Variants in PPARA observed in about 807,000 individuals in gnomAD.
The protein encoded by PPARA is peroxisome proliferator-activated receptor alpha.
A neutral mutation model predicts 42.2 loss-of-function variants in PPARA; 22 were observed. That is an observed-to-expected ratio of 0.52 (90% CI 0.37 to 0.74). The LOEUF (loss-of-function observed/expected upper bound fraction) is 0.74. Ranked by LOEUF, PPARA falls within the 30% of genes least tolerant of loss-of-function variation. PPARA has a pLI of 0.00. For synonymous variants in PPARA, 242 were observed against 239.3 expected, an observed-to-expected ratio of 1.01 and a Z score of -0.10; for missense variants, 465 against 608.2, an observed-to-expected ratio of 0.76 and a Z score of 2.48.
In PPARA at chr22:46,196,689, G is replaced by T. The variant is rs894329874; in HGVS notation, c.-42-1653G>T. On this transcript the variant is annotated intron_variant, in intron 3 of 8. Transcript: ENST00000407236. This position sits in a 1 kb window ranked among gnomAD's most constrained non-coding sequence, Gnocchi z 5.6. ...CATCTGTGTCCCAGTTACAAGGGAG[G>T]CTCCCTGAGAGCAGGGATCTGATTT... is the stretch of plus-strand genomic sequence containing the variant. Among the ~76,000 whole-genome samples the T allele has an allele frequency of 6.6e-6, 1 of 152,196 alleles. No homozygotes were observed. The highest frequency in any genetic ancestry group is 2.4e-5 in the African/African-American group (1 of 41,436).
At position 46,163,033 on chromosome 22, in the gene PPARA, C is replaced by A. The variant is rs1021619794; in HGVS notation, c.-127+11063C>A. ...ACCAACCACTGCATCGCATAACTGG[C>A]AGACTCCCAGCTTCAAGGAGAGGCA... On this transcript the variant is annotated intron_variant, in intron 2 of 8. Transcript: ENST00000407236. This position sits in a 1 kb window ranked among gnomAD's most constrained non-coding sequence, Gnocchi z 4.9. Among the ~76,000 whole-genome samples the A allele has an allele frequency of 3.9e-5, 6 of 152,188 alleles. No homozygotes were observed. The highest frequency in any genetic ancestry group is 1.2e-4 in the African/African-American group (5 of 41,462).
At chr22:46,172,533 A>G (rs1928251688) in intron 2 of PPARA, among the ~76,000 whole-genome samples, 1 of 152,034 alleles carries the variant, frequency 6.6e-6, no homozygotes, top group Non-Finnish European at 1.5e-5. Flanking sequence ...CAGGAGAATC[A>G]CTTGAACCTG....
chr22:46,170,571 G>T (rs1235290407), intron 2 of PPARA, among the ~76,000 whole-genome samples: 2 of 151,432 alleles, frequency 1.3e-5, no homozygotes, highest in Non-Finnish European at 3.0e-5. Flanking sequence ...TTGTAAGACA[G>T]GGAACAATGT....
In PPARA at chr22:46,176,855, G is replaced by A. The variant is rs1929135863; in HGVS notation, c.-43+19G>A. 2 of 152,258 alleles carry A rather than the reference G, an allele frequency of 1.3e-5. No individual in the cohort carries two copies. Among genetic ancestry groups the A allele is most frequent in the Admixed American group, 1.3e-4 (2 of 15,280 alleles). The allele number at this position is 152,258 out of a possible 1,614,324, so 9.4% of individuals were successfully genotyped here. A position where few individuals can be genotyped will look rare whatever the true frequency, so the allele number is the denominator to read the frequency against. On this transcript the variant is annotated intron_variant, in intron 3 of 8. Transcript: ENST00000407236. ...ATAAGAGGTACATACACGTTTAGGA[G>A]CATCGTGTCTTCCTGGTGGATGAAT...
Position 46,233,621 on chromosome 22 carries a change from C to T in PPARA, c.1159+1382C>T, listed in dbSNP as rs1004199572. On this transcript the variant is annotated intron_variant, in intron 8 of 8. Coordinates refer to ENST00000407236, the MANE Select transcript of PPARA (RefSeq NM_005036.6). The surrounding 1 kb of genome is among the most constrained non-coding windows in gnomAD (Gnocchi z 7.3). ...GACAAAGCAGTTATGCATAATTTGT[C>T]CTTTAGTATGGTCAGGATGTAGCAT... Among the ~76,000 whole-genome samples, 1 of 152,106 alleles carries T rather than the reference C, an allele frequency of 6.6e-6. No individual in the cohort carries two copies. Among genetic ancestry groups the T allele is most frequent in the Non-Finnish European group, 1.5e-5 (1 of 68,028 alleles).
chr22:46,222,835 C>T lies in PPARA; in HGVS notation c.711+2821C>T, dbSNP rs1436230539. 6.6e-6 allele frequency among the ~76,000 whole-genome samples: 1 copy of T among 151,970 alleles called. No homozygotes were observed. The highest frequency in any genetic ancestry group is 1.5e-5 in the Non-Finnish European group (1 of 67,990). ...TCCAAGAGTTTGAGACCAGGCAACA[C>T]AAGGAGACCTCGTCTCTACAAAAAA... On this transcript the variant is annotated intron_variant, in intron 7 of 8. Coordinates refer to ENST00000407236, the MANE Select transcript of PPARA (RefSeq NM_005036.6). This position sits in a 1 kb window ranked among gnomAD's most constrained non-coding sequence, Gnocchi z 5.9.
chr22:46,208,808 G>A (rs1933641922), intron 4 of PPARA, among the ~76,000 whole-genome samples: 1 of 151,976 alleles, frequency 6.6e-6, no homozygotes, highest in South Asian at 2.1e-4. Context: ...GTCTTTCTGT[G>A]CCTGGCTTCT....
At chr22:46,179,660 A>G (rs952094582) in intron 3 of PPARA, among the ~76,000 whole-genome samples, 2 of 152,158 alleles carry the variant, frequency 1.3e-5, no homozygotes, top group Non-Finnish European at 2.9e-5. Flanking sequence ...CTAGGCAAAG[A>G]TTTCATAGAT....
chr22:46,194,082 C>G (rs1435886125), intron 3 of PPARA, among the ~76,000 whole-genome samples: 1 of 152,166 alleles, frequency 6.6e-6, no homozygotes, highest in African/African-American at 2.4e-5. Flanking sequence ...GCTGGGAGGG[C>G]GTGCAGGGTG....
chr22:46,181,597 A>G (rs1007235780), intron 3 of PPARA, among the ~76,000 whole-genome samples: 9 of 152,130 alleles, frequency 5.9e-5, no homozygotes, highest in African/African-American at 2.2e-4. Flanking sequence ...GTCCCCCCCA[A>G]AGATTGAGGG....
intron 2 of PPARA, chr22:46,164,826 C>G (rs1156712556): frequency 2.0e-5 from 3 of 152,104 alleles, no homozygotes; most frequent in Non-Finnish European, 4.4e-5. Flanking sequence ...ATGAGGAAAA[C>G]ATTAAGGGTA....
At chr22:46,208,061 A>T (rs1317863265) in intron 4 of PPARA, among the ~76,000 whole-genome samples, 1 of 152,028 alleles carries the variant, frequency 6.6e-6, no homozygotes, top group Non-Finnish European at 1.5e-5. Context: ...GTTTCTCTAC[A>T]TGTTATATGT....
Position 46,235,571 on chromosome 22 carries a change from C to T in PPARA, c.*191C>T. 1 of 725,162 alleles carries T rather than the reference C, an allele frequency of 1.4e-6. No homozygotes were observed. The highest frequency in any genetic ancestry group is 2.2e-6 in the Non-Finnish European group (1 of 447,178). 44.9% of individuals were successfully genotyped at this position (725,162 alleles called of 1,614,324 possible). A position where few individuals can be genotyped will look rare whatever the true frequency, so the allele number is the denominator to read the frequency against. On this transcript the variant is annotated 3_prime_UTR_variant, in exon 9 of 9. Transcript: ENST00000407236. The surrounding 1 kb of genome is among the most constrained non-coding windows in gnomAD (Gnocchi z 7.0). ...AACCAGTACTTCTAAGAGCATAGAACTCAAATGCTGGGGGTAGGTGGCTAA... is the reference window on the plus strand; with the variant it reads ...AACCAGTACTTCTAAGAGCATAGAATTCAAATGCTGGGGGTAGGTGGCTAA...
chr22:46,169,029 G>A (rs1459250973), intron 2 of PPARA, among the ~76,000 whole-genome samples: 1 of 151,902 alleles, frequency 6.6e-6, no homozygotes, highest in Non-Finnish European at 1.5e-5. Flanking sequence ...GGGCTCATGG[G>A]GAGGGAAAGA....
In PPARA at chr22:46,238,962, T is replaced by C. The variant is rs1029015402; in HGVS notation, c.*3582T>C. 1 of 152,274 alleles carries C rather than the reference T, an allele frequency of 6.6e-6. No homozygotes were observed. Among genetic ancestry groups the C allele is most frequent in the Admixed American group, 6.5e-5 (1 of 15,272 alleles). 9.4% of individuals were successfully genotyped at this position (152,274 alleles called of 1,614,324 possible). ...TCCCACCTCGCTTGCCTGTTTCCGC[T>C]TGACCCTTCCTCCAGCTCCGATGAG... On this transcript the variant is annotated 3_prime_UTR_variant, in exon 9 of 9. Transcript: ENST00000407236. The surrounding 1 kb of genome is among the most constrained non-coding windows in gnomAD (Gnocchi z 8.3).
rs1473763210 is a variant in PPARA at position 46,182,968 on chromosome 22, C to A, written c.-43+6132C>A. On this transcript the variant is annotated intron_variant, in intron 3 of 8. Transcript: ENST00000407236. This position sits in a 1 kb window ranked among gnomAD's most constrained non-coding sequence, Gnocchi z 5.2. The stretch of plus-strand genomic sequence containing the variant: ...CCATGATTGCCAGGCTGGTCTTGAA[C>A]TCCTGACCTCAGGTGATCCACCCAC... 6.6e-6 allele frequency among the ~76,000 whole-genome samples: 1 copy of A among 152,204 alleles called. No individual in the cohort carries two copies. The highest frequency in any genetic ancestry group is 1.9e-4 in the East Asian group (1 of 5,194).
chr22:46,213,274 G>A (rs1449864890), intron 4 of PPARA, among the ~76,000 whole-genome samples: 2 of 152,074 alleles, frequency 1.3e-5, no homozygotes, highest in Non-Finnish European at 2.9e-5. Flanking sequence ...ACACCACATT[G>A]TTGTTCTCAT....
Position 46,150,942 on chromosome 22 carries a change from C to G in PPARA, c.-210+290C>G, listed in dbSNP as rs1044502896. 5 of 152,166 alleles carry G rather than the reference C, an allele frequency of 3.3e-5. No individual in the cohort carries two copies. Among genetic ancestry groups the G allele is most frequent in the African/African-American group, 1.2e-4 (5 of 41,446 alleles). The allele number at this position is 152,166 out of a possible 1,614,324, so 9.4% of individuals were successfully genotyped here. On this transcript the variant is annotated intron_variant, in intron 1 of 8. Coordinates refer to ENST00000407236, the MANE Select transcript of PPARA (RefSeq NM_005036.6). This position sits in a 1 kb window ranked among gnomAD's most constrained non-coding sequence, Gnocchi z 7.5. ...TAGCGCTGGGGGCCTGCCCGGAACCCGAGTCCGCGGCTGTCCCTGGGGTTT... is the reference window on the plus strand; with the variant it reads ...TAGCGCTGGGGGCCTGCCCGGAACCGGAGTCCGCGGCTGTCCCTGGGGTTT...
intron 2 of PPARA, chr22:46,176,069 G>T (rs1399363109): frequency 6.6e-6 from 1 of 152,296 alleles, no homozygotes; most frequent in East Asian, 1.9e-4. Context: ...ATCCTAGGAG[G>T]CAGAGGTTGC....
Sources: gnomAD v4.1 joint callset for allele counts (sites outside exome capture counted in the v4.1 genomes callset) on GRCh38, gnomAD v4.1.1 for gene constraint, Gnocchi (gnomAD v3.1) non-coding constraint, MANE v1.5 for transcripts, NCBI Gene and HGNC (gene_info 2026-07-23, HGNC 2026-07-21) for gene names.